The following SBF2 variants were observed in gnomAD, a reference collection of about 807,000 sequenced individuals.
SBF2 encodes SET binding factor 2, also known as myotubularin-related protein 13.
SBF2 carries 112 observed loss-of-function variants against 225.2 expected under a neutral mutation model. That is an observed-to-expected ratio of 0.50 (90% CI 0.43 to 0.58). The LOEUF is 0.58. Among genes scored for constraint, SBF2 ranks in the 20% least tolerant of loss-of-function variants. The probability of loss-of-function intolerance (pLI) is 0.00; values close to 1 mark genes in which losing one functional copy is unlikely to be tolerated. For missense variants in SBF2, 1,996 were observed against 2,206.2 expected (o/e 0.90, Z 1.91); for synonymous variants, 763 against 773.3 (o/e 0.99, Z 0.22).
intron 2 of SBF2, among the ~76,000 whole-genome samples, chr11:10,145,927 A>C (rs1444102355): frequency 6.6e-6 from 1 of 152,162 alleles, no homozygotes; most frequent in Non-Finnish European, 1.5e-5. Flanking sequence ...CCATACACCA[A>C]CAACAGCCAA....
chr11:10,024,864 T>C (rs1390693233), intron 6 of SBF2, among the ~76,000 whole-genome samples: 2 of 152,204 alleles, frequency 1.3e-5, no homozygotes, highest in Admixed American at 6.5e-5. Context: ...GCAGGGATTT[T>C]TGTCAGTAAA....
chr11:10,059,881 G>C (rs543683192), intron 2 of SBF2, among the ~76,000 whole-genome samples: 1 of 152,264 alleles, frequency 6.6e-6, no homozygotes, highest in African/African-American at 2.4e-5. Flanking sequence ...AGCTAAAGCA[G>C]TGTTAAGAGA....
chr11:9,858,617 G>A (rs1019648360), intron 17 of SBF2, among the ~76,000 whole-genome samples: 1 of 152,036 alleles, frequency 6.6e-6, no homozygotes, highest in Non-Finnish European at 1.5e-5. Flanking sequence ...ATCAAAATGG[G>A]TATTTTAGTA....
intron 32 of SBF2, 75 bp downstream of exon 32, chr11:9,807,925 T>C (rs1853944329): frequency 7.5e-7 from 1 of 1,327,900 alleles, no homozygotes; most frequent in Admixed American, 1.8e-5. Flanking sequence ...GGGCACACCA[T>C]CGCAATGCTC....
intron 17 of SBF2, among the ~76,000 whole-genome samples, chr11:9,884,749 G>T (rs951373682): frequency 3.9e-4 from 59 of 152,148 alleles, no homozygotes; most frequent in African/African-American, 1.4e-3. Context: ...TACCATTTCT[G>T]ACTTTCTGCT....
chr11:10,260,967 G>A (rs549837787), intron 1 of SBF2, among the ~76,000 whole-genome samples: 19 of 152,180 alleles, frequency 1.2e-4, no homozygotes, highest in African/African-American at 4.6e-4. Context: ...TACGTAAGTA[G>A]TAACAACTCT....
At chr11:10,070,239 T>C (rs1367887270) in intron 2 of SBF2, among the ~76,000 whole-genome samples, 2 of 152,248 alleles carry the variant, frequency 1.3e-5, no homozygotes, top group Non-Finnish European at 1.5e-5. Context: ...CCCATGCCTA[T>C]GTCGTAAATG....
chr11:10,171,853 T>G (rs1309495535), intron 2 of SBF2, among the ~76,000 whole-genome samples: 3 of 152,202 alleles, frequency 2.0e-5, no homozygotes, highest in Non-Finnish European at 4.4e-5. Flanking sequence ...GTTTTGGATT[T>G]CTTCATTGTT....
chr11:10,250,747 G>C (rs1223538885), intron 1 of SBF2, among the ~76,000 whole-genome samples: 1 of 152,166 alleles, frequency 6.6e-6, no homozygotes, highest in Non-Finnish European at 1.5e-5. Flanking sequence ...CTTGAAGACT[G>C]GATGTTCTGA....
chr11:9,809,298 T>C (rs1309113133), intron 30 of SBF2: 1 of 304,278 alleles, frequency 3.3e-6, no homozygotes, highest in African/African-American at 2.1e-5. Flanking sequence ...AGACCCCATC[T>C]CAATGAAAAC....
intron 16 of SBF2, among the ~76,000 whole-genome samples, chr11:9,902,164 T>A (rs1214901041): frequency 1.3e-5 from 2 of 152,182 alleles, no homozygotes; most frequent in Non-Finnish European, 2.9e-5. Context: ...TGGGAGAGAT[T>A]AGCTGGGAGT....
intron 6 of SBF2, among the ~76,000 whole-genome samples, chr11:10,004,593 A>C (rs989811689): frequency 1.9e-4 from 29 of 149,208 alleles, no homozygotes; most frequent in Non-Finnish European, 2.8e-4. Flanking sequence ...AAAAAAAAAA[A>C]AACAAACTAC....
Position 10,019,981 on chromosome 11 carries a change from G to C in SBF2, c.619+8471C>G, listed in dbSNP as rs141486263. On this transcript the variant is annotated intron_variant, in intron 6 of 39. Coordinates refer to ENST00000256190, the MANE Select transcript of SBF2 (RefSeq NM_030962.4). ...TAAGGCTCCTACAAATGTTCTTATT[G>C]TTATAGTAGATATTCAGACAGACAT... 3.9e-4 allele frequency among the ~76,000 whole-genome samples: 60 copies of C among 152,200 alleles called. 1 individual carries two copies. The East Asian group carries it at 0.01, about 25-fold the overall frequency.
rs765204789 is a variant in SBF2 at position 9,896,010 on chromosome 11, T to C, written c.1862A>G (p.Asp621Gly). ...IIRMMNCTLQ[D>G]CSSLEEYNIA... is the part of the protein sequence containing the mutation. ...GTTGTATTCTTCTAAACTTGAACAATCCTTTAAGCAAAACAAAGACAAAAG... is the reference window on the plus strand; with the variant it reads ...GTTGTATTCTTCTAAACTTGAACAACCCTTTAAGCAAAACAAAGACAAAAG... Residue 621 changes from aspartate to glycine, a missense_variant and splice_region_variant, in exon 17 of 40, where the codon GAT becomes GGT. Transcript: ENST00000256190. 7 of 1,611,968 alleles carry C rather than the reference T, an allele frequency of 4.3e-6. No individual in the cohort carries two copies. Among genetic ancestry groups the C allele is most frequent in the East Asian group, 2.2e-5 (1 of 44,766 alleles).
chr11:10,050,959 A>G (rs1950040616), intron 2 of SBF2, among the ~76,000 whole-genome samples: 1 of 152,030 alleles, frequency 6.6e-6, no homozygotes, highest in African/African-American at 2.4e-5. Context: ...GGGGGAAACT[A>G]CAGCAGATCT....
At chr11:10,278,709 G>C (rs1963163335) in intron 1 of SBF2, among the ~76,000 whole-genome samples, 2 of 151,664 alleles carry the variant, frequency 1.3e-5, no homozygotes, top group African/African-American at 4.9e-5. Context: ...CTTGAATCGG[G>C]GAGGCAGAGG....
intron 1 of SBF2, among the ~76,000 whole-genome samples, chr11:10,232,561 A>AT (rs5789629): frequency 1.9e-3 from 273 of 141,342 alleles, no homozygotes; most frequent in Admixed American, 2.9e-3. Flanking sequence ...TTTTGTCTTA[A>AT]TTTTTTTTTT....
chr11:10,046,878 A>AC (rs1427077418), intron 2 of SBF2, among the ~76,000 whole-genome samples: 2 of 124,322 alleles, frequency 1.6e-5, no homozygotes, highest in Non-Finnish European at 3.7e-5. Flanking sequence ...ATCTGAAAGG[A>AC]CAAAAAAAAA....
At chr11:10,042,751 CA>C (rs1380980154) in intron 3 of SBF2, 92 bp downstream of exon 3, 3 of 1,366,746 alleles carry the variant, frequency 2.2e-6, no homozygotes, top group African/African-American at 2.9e-5. Flanking sequence ...CCATAAAACT[CA>C]AACTTGCAGT....
Sources: allele counts gnomAD v4.1 joint callset (sites outside exome capture counted in the v4.1 genomes callset), GRCh38; gene constraint gnomAD v4.1.1; transcripts MANE v1.5; gene names NCBI Gene and HGNC (gene_info 2026-07-23, HGNC 2026-07-21).